Variants in SSH2 observed in about 807,000 individuals in gnomAD.
SSH2 encodes slingshot protein phosphatase 2.
Under a neutral mutation model 135.2 loss-of-function variants are expected in SSH2, and 37 were observed. That is an observed-to-expected ratio of 0.27 (90% CI 0.21 to 0.36). The LOEUF (loss-of-function observed/expected upper bound fraction) is 0.36, where lower values mean the gene tolerates loss of function less well. Among genes scored for constraint, SSH2 ranks in the 10% least tolerant of loss-of-function variants. The pLI is 1.00. For synonymous variants in SSH2, 628 were observed against 646.2 expected (o/e 0.97, Z 0.43); for missense variants, 1,408 against 1,765.3 (o/e 0.80, Z 3.63).
intron 3 of SSH2, among the ~76,000 whole-genome samples, chr17:29,734,188 T>G (rs1436500168): frequency 1.3e-5 from 2 of 152,152 alleles, no homozygotes; most frequent in Non-Finnish European, 2.9e-5. Flanking sequence ...CCCAAAGTGC[T>G]GGGATTATAG....
intron 3 of SSH2, among the ~76,000 whole-genome samples, chr17:29,748,215 C>G (rs1356141696): frequency 1.3e-5 from 2 of 151,958 alleles, no homozygotes; most frequent in Non-Finnish European, 2.9e-5. Context: ...AATTACTGCT[C>G]TGCTGATTTT....
intron 3 of SSH2, among the ~76,000 whole-genome samples, chr17:29,725,448 T>C (rs891728489): frequency 8.6e-5 from 13 of 150,316 alleles, no homozygotes; most frequent in Non-Finnish European, 1.5e-4. Context: ...CACATGCACA[T>C]GTATGTTTAC....
At chr17:29,695,815 G>A (rs945743296) in intron 4 of SSH2, among the ~76,000 whole-genome samples, 2 of 152,166 alleles carry the variant, frequency 1.3e-5, no homozygotes, top group Non-Finnish European at 2.9e-5. Context: ...GTTCATGAGA[G>A]ACTTGTTGGT....
chr17:29,888,273 CAG>C (rs1446624867), intron 1 of SSH2, among the ~76,000 whole-genome samples: 1 of 152,132 alleles, frequency 6.6e-6, no homozygotes, highest in Non-Finnish European at 1.5e-5. Flanking sequence ...TATGCTGAGA[CAG>C]AGACTGCACT....
chr17:29,867,177 T>G (rs970780135), intron 1 of SSH2, among the ~76,000 whole-genome samples: 2 of 152,154 alleles, frequency 1.3e-5, no homozygotes, highest in African/African-American at 4.8e-5. Flanking sequence ...GTTAACTTCA[T>G]GAGGTAACAG....
chr17:29,797,651 C>G (rs928332775), intron 2 of SSH2, among the ~76,000 whole-genome samples: 2 of 152,122 alleles, frequency 1.3e-5, no homozygotes, highest in Non-Finnish European at 2.9e-5. Context: ...CATCCCAGCA[C>G]TTTGGGAGGC....
chr17:29,708,993 A>AAT (rs374708601), intron 3 of SSH2, among the ~76,000 whole-genome samples: 5,243 of 65,514 alleles, frequency 0.08, 301 homozygotes, highest in African/African-American at 0.11. Flanking sequence ...CTAGTTAAGA[A>AAT]ATATATATAT....
intron 3 of SSH2, among the ~76,000 whole-genome samples, chr17:29,788,606 C>T (rs1050426288): frequency 6.6e-6 from 1 of 151,742 alleles, no homozygotes; most frequent in African/African-American, 2.4e-5. Context: ...TTCTTTCCCT[C>T]ACTCTCTCCC....
At chr17:29,913,664 C>T (rs536165196) in intron 1 of SSH2, among the ~76,000 whole-genome samples, 1 of 150,640 alleles carries the variant, frequency 6.6e-6, no homozygotes. Context: ...GACGGAGTTT[C>T]ATTCCTATTG....
intron 8 of SSH2, among the ~76,000 whole-genome samples, chr17:29,673,321 G>A (rs977190132): frequency 6.6e-6 from 1 of 152,020 alleles, no homozygotes; most frequent in African/African-American, 2.4e-5. Flanking sequence ...TGTAATCCTA[G>A]CACTTTGGGA....
At chr17:29,730,336 TAC>T (rs1255459851) in intron 3 of SSH2, among the ~76,000 whole-genome samples, 4 of 147,774 alleles carry the variant, frequency 2.7e-5, no homozygotes, top group African/African-American at 9.8e-5. Context: ...TAATTTTATA[TAC>T]ATATAATTAT....
At chr17:29,823,281 A>T (rs2042685014) in intron 2 of SSH2, among the ~76,000 whole-genome samples, 2 of 152,220 alleles carry the variant, frequency 1.3e-5, no homozygotes, top group South Asian at 4.1e-4. Flanking sequence ...ATTTTGTGAC[A>T]GTTTACAAAA....
At chr17:29,758,249 C>CAACT (rs2041192540) in intron 3 of SSH2, among the ~76,000 whole-genome samples, 1 of 152,176 alleles carries the variant, frequency 6.6e-6, no homozygotes, top group Non-Finnish European at 1.5e-5. Flanking sequence ...AGTGACCTTG[C>CAACT]AACTACTAAG....
intron 1 of SSH2, among the ~76,000 whole-genome samples, chr17:29,898,721 T>C (rs1194286160): frequency 2.0e-5 from 3 of 152,124 alleles, no homozygotes; most frequent in Admixed American, 1.3e-4. Context: ...GCTGGTACCA[T>C]TCCTTCTGAA....
intron 3 of SSH2, among the ~76,000 whole-genome samples, chr17:29,723,153 G>A (rs2039878674): frequency 6.6e-6 from 1 of 152,074 alleles, no homozygotes; most frequent in Non-Finnish European, 1.5e-5. Flanking sequence ...TGTGGGAGAT[G>A]AGATATGGTA....
At chr17:29,801,957 C>T (rs2042257132) in intron 2 of SSH2, among the ~76,000 whole-genome samples, 1 of 152,208 alleles carries the variant, frequency 6.6e-6, no homozygotes, top group Non-Finnish European at 1.5e-5. Context: ...GCAGTAATAC[C>T]TTAATACCTT....
intron 3 of SSH2, chr17:29,706,977 C>G (rs978164834): frequency 2.6e-5 from 4 of 152,170 alleles, no homozygotes; most frequent in African/African-American, 9.7e-5. Context: ...CACGGTGAAA[C>G]CCCGTCTCTA....
intron 11 of SSH2, among the ~76,000 whole-genome samples, chr17:29,656,476 G>A (rs988664247): frequency 5.9e-5 from 9 of 152,042 alleles, no homozygotes; most frequent in South Asian, 2.1e-4. Context: ...GCGCAGGGCC[G>A]CTCACACTCT....
rs536967584 is a variant in SSH2, at chr17:29,638,859, C to T, written c.1428-2057G>A. ...ACCAAGCCTGGCCTCTATATTTTTA[C>T]AATTTTTGAATTTAAAAAATGGGCA... On this transcript the variant is annotated intron_variant, in intron 14 of 15. Coordinates refer to ENST00000540801, the MANE Select transcript of SSH2 (RefSeq NM_001282129.2). 3.3e-5 allele frequency among the ~76,000 whole-genome samples: 5 copies of T among 152,074 alleles called. No individual in the cohort carries two copies. The South Asian group carries it at 1.0e-3, about 32-fold the overall frequency.
Sources: gnomAD v4.1 joint callset for allele counts (sites outside exome capture counted in the v4.1 genomes callset) on GRCh38, gnomAD v4.1.1 for gene constraint, MANE v1.5 for transcripts, NCBI Gene and HGNC (gene_info 2026-07-23, HGNC 2026-07-21) for gene names.